TIAM1: variants seen among roughly 807,000 people sequenced by gnomAD.
TIAM1 encodes the protein TIAM Rac1 associated GEF 1.
A neutral mutation model predicts 163.5 loss-of-function variants in TIAM1; 65 were observed. That is an observed-to-expected ratio of 0.40 (90% confidence interval 0.33 to 0.49). TIAM1 has a LOEUF of 0.49. TIAM1 is among the 20% of genes least tolerant of loss of function. TIAM1 has a pLI of 0.77. For missense variants in TIAM1, 1,789 were observed against 2,044.7 expected, an observed-to-expected ratio of 0.87 and a Z score of 2.41; for synonymous variants, 833 against 810.1, an observed-to-expected ratio of 1.03 and a Z score of -0.48.
At chr21:31,153,158 T>A (rs772931365) in intron 17 of TIAM1, 24 bp from the exon 18 acceptor site, 2 of 1,581,378 alleles carry the variant, frequency 1.3e-6, no homozygotes, top group Admixed American at 1.8e-5. Context: ...AGAGAACTCA[T>A]TAGCTTATGT....
chr21:31,385,497 C>T (rs1445912640), intron 2 of TIAM1, among the ~76,000 whole-genome samples: 1 of 152,008 alleles, frequency 6.6e-6, no homozygotes, highest in African/African-American at 2.4e-5. Context: ...GAGAGTCACC[C>T]AGTGTCTGTA....
At chr21:31,322,943 G>A (rs1389445575) in intron 2 of TIAM1, among the ~76,000 whole-genome samples, 1 of 152,152 alleles carries the variant, frequency 6.6e-6, no homozygotes, top group Non-Finnish European at 1.5e-5. Flanking sequence ...TTCCTTGGTG[G>A]AGTCCATGGT....
At chr21:31,428,032 C>T (rs1045841014) in intron 2 of TIAM1, among the ~76,000 whole-genome samples, 6 of 152,126 alleles carry the variant, frequency 3.9e-5, no homozygotes, top group East Asian at 1.9e-4. Flanking sequence ...GAGGCCGAAG[C>T]GGGTGGATCA....
chr21:31,411,279 T>C (rs774826516), intron 2 of TIAM1, among the ~76,000 whole-genome samples: 38 of 152,282 alleles, frequency 2.5e-4, no homozygotes, highest in Middle Eastern at 3.4e-3. Context: ...AGATTTTAAA[T>C]ACAGGGGATG....
intron 2 of TIAM1, among the ~76,000 whole-genome samples, chr21:31,303,088 A>G (rs1398769209): frequency 6.6e-6 from 1 of 152,224 alleles, no homozygotes; most frequent in Non-Finnish European, 1.5e-5. Flanking sequence ...GACATAGTCT[A>G]GGAGACATTG....
At chr21:31,328,802 C>A (rs1432770144) in intron 2 of TIAM1, among the ~76,000 whole-genome samples, 1 of 151,184 alleles carries the variant, frequency 6.6e-6, no homozygotes, top group South Asian at 2.1e-4. Context: ...TGAGTGATAA[C>A]CTGTGGTGAA....
chr21:31,231,884 ATGCCTG>A lies in TIAM1; in HGVS notation c.1585-5940_1585-5935del, dbSNP rs1192081217. Reference sequence around the variant, plus strand: ...AAAAATTAGCTGGGCATGGTGGCACATGCCTGTAGTCCTAGCTACTCGGGAGGCTGA... The same window carrying A: ...AAAAATTAGCTGGGCATGGTGGCACATAGTCCTAGCTACTCGGGAGGCTGA... On this transcript the variant is annotated intron_variant, in intron 6 of 27. Coordinates refer to ENST00000541036, the MANE Select transcript of TIAM1 (RefSeq NM_001353694.2). 1.3e-5 allele frequency among the ~76,000 whole-genome samples: 2 copies of A among 151,978 alleles called. 1 individual carries two copies. Among genetic ancestry groups the A allele is most frequent in the African/African-American group, 4.8e-5 (2 of 41,366 alleles).
At chr21:31,383,750 A>G (rs983538888) in intron 2 of TIAM1, among the ~76,000 whole-genome samples, 1 of 152,214 alleles carries the variant, frequency 6.6e-6, no homozygotes, top group African/African-American at 2.4e-5. Context: ...GGACGTGTCC[A>G]TGTAAACAAG....
intron 1 of TIAM1, among the ~76,000 whole-genome samples, chr21:31,531,490 G>A (rs1156935095): frequency 6.6e-6 from 1 of 152,156 alleles, no homozygotes; most frequent in Non-Finnish European, 1.5e-5. Context: ...AGGGTACAGA[G>A]ACAAACTGGC....
intron 10 of TIAM1, among the ~76,000 whole-genome samples, chr21:31,210,943 C>T (rs911344707): frequency 3.4e-5 from 5 of 146,090 alleles, no homozygotes; most frequent in Non-Finnish European, 5.9e-5. Context: ...GGTGAAGCCC[C>T]AATCATTTTT....
chr21:31,182,488 C>T lies in TIAM1; in HGVS notation c.2820G>A (p.Pro940=), dbSNP rs1024214032. ...CGGCAGGGCCGTCCACTCGGTGGGG[C>T]GGGCTTTCCAGCAGCTCCACTCCTT... ...LEEGVELLES[P]PHRVDGPADL... Residue 940 remains proline, a synonymous_variant, in exon 15 of 28, where the codon CCG becomes CCA. Coordinates refer to ENST00000541036, the MANE Select transcript of TIAM1 (RefSeq NM_001353694.2). 1.4e-5 allele frequency: 22 copies of T among 1,611,326 alleles called. No individual in the cohort carries two copies. Among genetic ancestry groups the T allele is most frequent in the Middle Eastern group, 3.3e-4 (2 of 6,058 alleles).
chr21:31,517,645 A>T (rs1171242596), intron 1 of TIAM1, among the ~76,000 whole-genome samples: 1 of 152,142 alleles, frequency 6.6e-6, no homozygotes, highest in Non-Finnish European at 1.5e-5. Context: ...GAAACACCCA[A>T]ATATGCCACT....
chr21:31,532,547 T>C (rs895295165), intron 1 of TIAM1, among the ~76,000 whole-genome samples: 2 of 152,218 alleles, frequency 1.3e-5, no homozygotes, highest in African/African-American at 4.8e-5. Flanking sequence ...ATATAATGTC[T>C]ACCTAATCTT....
intron 2 of TIAM1, among the ~76,000 whole-genome samples, chr21:31,420,280 T>C (rs2043520116): frequency 6.6e-6 from 1 of 152,140 alleles, no homozygotes; most frequent in Non-Finnish European, 1.5e-5. Context: ...AAACAGCTCA[T>C]AGCCCAGGAC....
At chr21:31,458,147 C>T (rs999537367) in intron 2 of TIAM1, among the ~76,000 whole-genome samples, 3 of 152,166 alleles carry the variant, frequency 2.0e-5, no homozygotes, top group Non-Finnish European at 2.9e-5. Flanking sequence ...CGGCCGGGTG[C>T]GGGGGCTCAC....
intron 2 of TIAM1, among the ~76,000 whole-genome samples, chr21:31,374,378 C>T (rs1051140556): frequency 1.3e-5 from 2 of 152,162 alleles, no homozygotes; most frequent in Admixed American, 6.5e-5. Flanking sequence ...AAACTTCCTC[C>T]GGCTCCCTTT....
At chr21:31,206,909 T>C (rs2284486) in intron 11 of TIAM1, among the ~76,000 whole-genome samples, 13,624 of 150,998 alleles carry the variant, frequency 0.09, 1,212 homozygotes, top group East Asian at 0.4. Flanking sequence ...AATGCAAACA[T>C]GTAGTCACTG....
chr21:31,388,212 AACACACACACAC>A lies in TIAM1; in HGVS notation c.-368-48802_-368-48791del, dbSNP rs11369323. ...TCTTTATCCAACGCAAGAAGACCCT[AACACACACACAC>A]ACACACACACACACACACACACACA... On this transcript the variant is annotated intron_variant, in intron 2 of 28. Coordinates refer to the TIAM1 transcript ENST00000286827. Among the ~76,000 whole-genome samples the A allele has an allele frequency of 9.3e-3, 1,078 of 115,930 alleles. 12 individuals are homozygous for A. The highest frequency in any genetic ancestry group is 0.033 in the East Asian group (129 of 3,854). 76.1% of individuals were successfully genotyped at this position (115,930 alleles called of 152,430 possible).
In TIAM1 at chr21:31,491,683, CA is replaced by C. The variant is rs538998603; in HGVS notation, c.-421-27649del. On this transcript the variant is annotated intron_variant, in intron 1 of 28. Transcript: ENST00000286827. ...AGAAGGAGCAGTGAAAGCCAGGATTCAAAAGCTCTCTTTGCTTTCGCAATTT... is the reference window on the plus strand; with the variant it reads ...AGAAGGAGCAGTGAAAGCCAGGATTCAAAGCTCTCTTTGCTTTCGCAATTT... Among the ~76,000 whole-genome samples the C allele has an allele frequency of 2.6e-3, 403 of 152,328 alleles. 4 individuals carry two copies. The highest frequency in any genetic ancestry group is 8.8e-3 in the African/African-American group (366 of 41,582).
Sources: gnomAD v4.1 joint callset for allele counts (sites outside exome capture counted in the v4.1 genomes callset) on GRCh38, gnomAD v4.1.1 for gene constraint, MANE v1.5 for transcripts, NCBI Gene and HGNC (gene_info 2026-07-23, HGNC 2026-07-21) for gene names.